Variants in TMEM135 observed in about 807,000 individuals in gnomAD.
TMEM135 encodes transmembrane protein 135.
In TMEM135, 30 loss-of-function variants were observed where a neutral mutation model predicts 60.3. The observed-to-expected ratio is 0.50, with a 90% CI of 0.37 to 0.68. The LOEUF (loss-of-function observed/expected upper bound fraction) is 0.68. Ranked by LOEUF, TMEM135 falls within the 30% of genes least tolerant of loss-of-function variation. The pLI is 0.00. For synonymous variants in TMEM135, 190 were observed against 186.7 expected (o/e 1.02, Z -0.14); for missense variants, 468 against 548.8 (o/e 0.85, Z 1.47).
intron 4 of TMEM135, among the ~76,000 whole-genome samples, chr11:87,091,748 G>T (rs1857210751): frequency 6.6e-6 from 1 of 151,830 alleles, no homozygotes; most frequent in African/African-American, 2.4e-5. Flanking sequence ...GATTTCTTAT[G>T]GGAAAAATGA....
intron 1 of TMEM135, among the ~76,000 whole-genome samples, chr11:87,040,838 A>G (rs1357632339): frequency 6.6e-6 from 1 of 151,942 alleles, no homozygotes; most frequent in Non-Finnish European, 1.5e-5. Context: ...AGTTACGCAT[A>G]TTTTTCTTCC....
chr11:87,141,647 C>T (rs1486558511), intron 4 of TMEM135, among the ~76,000 whole-genome samples: 1 of 152,056 alleles, frequency 6.6e-6, no homozygotes, highest in Non-Finnish European at 1.5e-5. Flanking sequence ...GCCATCCTGA[C>T]CTTATTTCTC....
intron 10 of TMEM135, among the ~76,000 whole-genome samples, chr11:87,311,754 TATAAGA>T (rs1188999456): frequency 1.3e-5 from 2 of 152,054 alleles, no homozygotes; most frequent in African/African-American, 4.8e-5. Context: ...ATAGTATCTT[TATAAGA>T]ATCTTAAGAG....
chr11:87,107,398 AT>A (rs534083641), intron 4 of TMEM135, among the ~76,000 whole-genome samples: 209 of 151,662 alleles, frequency 1.4e-3, no homozygotes, highest in African/African-American at 4.8e-3. Flanking sequence ...GTTTCTCCTA[AT>A]GCTATCCATC....
At chr11:87,157,477 A>T in intron 5 of TMEM135, 71 bp downstream of exon 5, 1 of 1,258,756 alleles carries the variant, frequency 7.9e-7, no homozygotes, top group Non-Finnish European at 1.2e-6. Context: ...ATAAAATGTG[A>T]TGAAATCTAT....
chr11:87,286,595 G>A (rs113844414), intron 6 of TMEM135, among the ~76,000 whole-genome samples: 1 of 152,228 alleles, frequency 6.6e-6, no homozygotes, highest in South Asian at 2.1e-4. Flanking sequence ...GAGAGGCTGG[G>A]GCTGTGTGGG....
intron 3 of TMEM135, among the ~76,000 whole-genome samples, chr11:87,090,234 A>T (rs2513224): frequency 0.22 from 32,760 of 151,872 alleles, 4,139 homozygotes; most frequent in East Asian, 0.52. Context: ...TTTTTATGTT[A>T]AAAAAAGTAG....
At chr11:87,171,122 A>C (rs1354272306) in intron 5 of TMEM135, among the ~76,000 whole-genome samples, 2 of 152,134 alleles carry the variant, frequency 1.3e-5, no homozygotes, top group African/African-American at 4.8e-5. Flanking sequence ...GATTAAAGTG[A>C]GGTACTAGGG....
At chr11:87,105,882 G>C (rs1315108508) in intron 4 of TMEM135, among the ~76,000 whole-genome samples, 3 of 152,086 alleles carry the variant, frequency 2.0e-5, no homozygotes, top group East Asian at 1.9e-4. Flanking sequence ...CTTATTTCCT[G>C]TATCTCACTT....
At chr11:87,265,216 A>G (rs1480781742) in intron 6 of TMEM135, among the ~76,000 whole-genome samples, 3 of 151,978 alleles carry the variant, frequency 2.0e-5, no homozygotes, top group Non-Finnish European at 4.4e-5. Flanking sequence ...AGAAGCCAAG[A>G]TTTTTAGTCC....
At position 87,065,198 on chromosome 11, in the gene TMEM135, A is replaced by G. The variant is rs997108982; in HGVS notation, c.142-2496A>G. Among the ~76,000 whole-genome samples, 16 of 152,320 alleles carry G rather than the reference A, an allele frequency of 1.1e-4. 1 individual carries two copies. The highest frequency in any genetic ancestry group is 5.9e-5 in the Non-Finnish European group (4 of 68,034). On this transcript the variant is annotated intron_variant, in intron 1 of 14. Coordinates refer to ENST00000305494, the MANE Select transcript of TMEM135 (RefSeq NM_022918.4). ...AAGCATATGTTTTTATTTCTCAGAG[A>G]TAAATACCCCAGGACTACAATTGCT... is the stretch of plus-strand genomic sequence containing the variant.
At chr11:87,241,074 A>G (rs182017025) in intron 6 of TMEM135, among the ~76,000 whole-genome samples, 23 of 152,196 alleles carry the variant, frequency 1.5e-4, no homozygotes, top group African/African-American at 5.3e-4. Context: ...ATTCTAATCA[A>G]TTCTCTGTGA....
chr11:87,150,616 TC>T (rs1184992664), intron 4 of TMEM135, among the ~76,000 whole-genome samples: 2 of 152,258 alleles, frequency 1.3e-5, no homozygotes, highest in Non-Finnish European at 2.9e-5. Context: ...TATGTTTTTT[TC>T]ATAGTTAATA....
chr11:87,206,332 A>C (rs1391443235), intron 5 of TMEM135, among the ~76,000 whole-genome samples: 2 of 152,180 alleles, frequency 1.3e-5, no homozygotes, highest in Non-Finnish European at 2.9e-5. Context: ...TATATTTCAT[A>C]TATAACATGT....
intron 1 of TMEM135, among the ~76,000 whole-genome samples, chr11:87,062,848 TGAG>T (rs528262375): frequency 2.0e-3 from 303 of 152,300 alleles, no homozygotes; most frequent in Non-Finnish European, 3.9e-3. Flanking sequence ...ATTTAGTAAA[TGAG>T]GAGATTGAAA....
At chr11:87,273,535 A>G (rs1314681793) in intron 6 of TMEM135, among the ~76,000 whole-genome samples, 1 of 152,164 alleles carries the variant, frequency 6.6e-6, no homozygotes, top group African/African-American at 2.4e-5. Flanking sequence ...ATTGCTCACA[A>G]AATGAAAATC....
chr11:87,287,211 C>G (rs1248469564), intron 6 of TMEM135, among the ~76,000 whole-genome samples: 4 of 152,132 alleles, frequency 2.6e-5, no homozygotes, highest in Non-Finnish European at 5.9e-5. Context: ...TCTTAAAAAG[C>G]TACCTTTGCA....
At chr11:87,083,438 T>C (rs755203699) in intron 3 of TMEM135, among the ~76,000 whole-genome samples, 4 of 152,226 alleles carry the variant, frequency 2.6e-5, no homozygotes, top group Non-Finnish European at 5.9e-5. Context: ...TAGTTAAGAA[T>C]TGCAGTGTGC....
chr11:87,313,619 C>A, intron 11 of TMEM135, 131 bp downstream of exon 11: 2 of 808,618 alleles, frequency 2.5e-6, no homozygotes, highest in Non-Finnish European at 4.1e-6. Context: ...CCAGTTGAGG[C>A]ACTTGTCCAA....
Sources: allele counts gnomAD v4.1 joint callset (sites outside exome capture counted in the v4.1 genomes callset), GRCh38; gene constraint gnomAD v4.1.1; transcripts MANE v1.5; gene names NCBI Gene and HGNC (gene_info 2026-07-23, HGNC 2026-07-21).